Variants in SDK1 observed in about 807,000 individuals in gnomAD.
The protein encoded by SDK1 is protein sidekick-1.
In SDK1, 157 loss-of-function variants were observed where a neutral mutation model predicts 245.5. The ratio of observed to expected loss-of-function variants is 0.64; its 90% confidence interval spans 0.56 to 0.73. The LOEUF is 0.73. SDK1 is among the 30% of genes least tolerant of loss of function. The probability of loss-of-function intolerance (pLI) is 0.00; values close to 1 mark genes in which losing one functional copy is unlikely to be tolerated. For missense variants in SDK1, 3,583 were observed against 3,002.3 expected, an observed-to-expected ratio of 1.19 and a Z score of -4.52; for synonymous variants, 1,647 against 1,278.5, an observed-to-expected ratio of 1.29 and a Z score of -6.15.
chr7:4,204,967 G>A (rs1784115740), intron 35 of SDK1, among the ~76,000 whole-genome samples: 2 of 85,644 alleles, frequency 2.3e-5, no homozygotes, highest in Non-Finnish European at 4.6e-5. Flanking sequence ...GTGTGGTGAG[G>A]TGCGGAGGTG....
At chr7:3,865,855 C>A (rs1352750676) in intron 5 of SDK1, among the ~76,000 whole-genome samples, 1 of 152,068 alleles carries the variant, frequency 6.6e-6, no homozygotes, top group East Asian at 1.9e-4. Context: ...AACCCAAGAT[C>A]ACTAGCACCA....
chr7:3,591,145 G>A (rs1780860658), intron 1 of SDK1, among the ~76,000 whole-genome samples: 1 of 152,162 alleles, frequency 6.6e-6, no homozygotes, highest in African/African-American at 2.4e-5. Context: ...GTGATACTCT[G>A]ATGAAGGCAG....
chr7:3,997,513 C>A (rs4540321), intron 14 of SDK1, among the ~76,000 whole-genome samples: 2 of 151,820 alleles, frequency 1.3e-5, no homozygotes, highest in South Asian at 4.2e-4. Context: ...TGCGGCTGGT[C>A]GTCCCAGCAT....
At chr7:3,368,697 G>C (rs1044898180) in intron 1 of SDK1, among the ~76,000 whole-genome samples, 1 of 152,154 alleles carries the variant, frequency 6.6e-6, no homozygotes, top group Non-Finnish European at 1.5e-5. Flanking sequence ...GAAGTGAGAA[G>C]CATCAGGACA....
At chr7:4,180,107 C>T (rs1019764655) in intron 35 of SDK1, among the ~76,000 whole-genome samples, 11 of 152,162 alleles carry the variant, frequency 7.2e-5, no homozygotes, top group Middle Eastern at 6.8e-3. Flanking sequence ...ACTGGGGAGT[C>T]GCGCCAGGGC....
At chr7:3,492,396 A>C (rs993799190) in intron 1 of SDK1, among the ~76,000 whole-genome samples, 1 of 152,244 alleles carries the variant, frequency 6.6e-6, no homozygotes, top group Non-Finnish European at 1.5e-5. Context: ...CAGGAGGCTG[A>C]GGCAGGAGAA....
chr7:3,985,406 A>C (rs1289559832), intron 13 of SDK1, among the ~76,000 whole-genome samples: 1 of 152,188 alleles, frequency 6.6e-6, no homozygotes, highest in Non-Finnish European at 1.5e-5. Context: ...AGCAGGGGGA[A>C]TAGGAAATGG....
chr7:3,369,548 C>T (rs866539683), intron 1 of SDK1, among the ~76,000 whole-genome samples: 1 of 152,100 alleles, frequency 6.6e-6, no homozygotes, highest in Admixed American at 6.6e-5. Context: ...AAAAAGTACC[C>T]AATTATAGAG....
At position 4,110,783 on chromosome 7, in the gene SDK1, C is replaced by T. The variant is rs1783289126; in HGVS notation, c.3434+11C>T. On this transcript the variant is annotated intron_variant, in intron 23 of 44. Transcript: ENST00000404826. ...CTACACTCACTACAGGTGAGAACAGCAGTGATAAGCTGTTACAGGAGGAAA... is the reference window on the plus strand; with the variant it reads ...CTACACTCACTACAGGTGAGAACAGTAGTGATAAGCTGTTACAGGAGGAAA... The T allele has an allele frequency of 2.5e-6, 4 of 1,571,066 alleles. No individual in the cohort carries two copies. The highest frequency in any genetic ancestry group is 3.5e-6 in the Non-Finnish European group (4 of 1,140,798).
At chr7:4,003,935 C>G (rs1785267177) in intron 14 of SDK1, among the ~76,000 whole-genome samples, 1 of 152,266 alleles carries the variant, frequency 6.6e-6, no homozygotes. Flanking sequence ...ATCTCTGTGA[C>G]CAAGCCCTTA....
rs1220389635 is a variant in SDK1 at position 3,987,289 on chromosome 7, A to G, written c.2098A>G (p.Ile700Val). ...CCGGCCCTTTGATGGAAACAGTCCT[A>G]TTCTTTATTACATCGTGGAGCTCTC... is the stretch of plus-strand genomic sequence containing the variant. The part of the protein sequence containing the change: ...WVRPFDGNSP[I>V]LYYIVELSEN... Residue 700 changes from isoleucine (I) to valine (V), a missense_variant, in exon 14 of 45, where the codon ATT becomes GTT. Ile to Val is a conservative substitution (Grantham distance 29). Coordinates refer to ENST00000404826, the MANE Select transcript of SDK1 (RefSeq NM_152744.4). 1.2e-6 allele frequency: 2 copies of G among 1,614,096 alleles called. No homozygotes were observed. Among genetic ancestry groups the G allele is most frequent in the South Asian group, 2.2e-5 (2 of 91,070 alleles).
intron 1 of SDK1, among the ~76,000 whole-genome samples, chr7:3,451,237 T>A (rs1019742441): frequency 4.6e-5 from 7 of 151,474 alleles, no homozygotes; most frequent in Non-Finnish European, 8.8e-5. Flanking sequence ...AAGGGGCAAT[T>A]GTTGTGAAGT....
intron 1 of SDK1, among the ~76,000 whole-genome samples, chr7:3,321,761 C>G (rs1407069310): frequency 1.2e-5 from 1 of 85,626 alleles, no homozygotes; most frequent in East Asian, 5.4e-4. Context: ...TCCCCTCCCT[C>G]CCTTCCTTCC....
In SDK1 at chr7:3,415,004, G is replaced by A. The variant is rs541804066; in HGVS notation, c.298+113120G>A. On this transcript the variant is annotated intron_variant, in intron 1 of 44. Transcript: ENST00000404826. Reference sequence around the variant, plus strand: ...AACATGTTGGTTGTTTTGACTTTTCGGCTATTATGCATAACACTGCTATGA... The same window carrying A: ...AACATGTTGGTTGTTTTGACTTTTCAGCTATTATGCATAACACTGCTATGA... 5.3e-5 allele frequency among the ~76,000 whole-genome samples: 8 copies of A among 152,024 alleles called. 1 individual carries two copies. In the South Asian group the frequency reaches 6.2e-4, roughly 12 times the overall value.
intron 7 of SDK1, among the ~76,000 whole-genome samples, chr7:3,957,026 C>G (rs1258307925): frequency 6.6e-6 from 1 of 152,198 alleles, no homozygotes; most frequent in Admixed American, 6.5e-5. Context: ...CATCAAAGCA[C>G]AGGTCATCTT....
At chr7:4,109,340 C>T (rs1414992117) in intron 22 of SDK1, among the ~76,000 whole-genome samples, 2 of 152,254 alleles carry the variant, frequency 1.3e-5, no homozygotes, top group African/African-American at 2.4e-5. Context: ...ACACAGTCTC[C>T]TCTGCATCCG....
chr7:3,920,771 T>C (rs1468664395), intron 5 of SDK1, among the ~76,000 whole-genome samples: 1 of 151,308 alleles, frequency 6.6e-6, no homozygotes, highest in Non-Finnish European at 1.5e-5. Flanking sequence ...GCAGTGAGAG[T>C]GAAGAGGAGG....
At chr7:3,724,918 C>T (rs1778966230) in intron 4 of SDK1, among the ~76,000 whole-genome samples, 1 of 152,150 alleles carries the variant, frequency 6.6e-6, no homozygotes, top group Non-Finnish European at 1.5e-5. Context: ...GTTGGAAATA[C>T]AATTCCTGGC....
At chr7:3,515,001 C>T (rs1220821197) in intron 1 of SDK1, among the ~76,000 whole-genome samples, 1 of 152,144 alleles carries the variant, frequency 6.6e-6, no homozygotes, top group Admixed American at 6.5e-5. Flanking sequence ...GTAAAGTTTT[C>T]ATAATGAGGC....
Sources: gnomAD v4.1 joint callset for allele counts (sites outside exome capture counted in the v4.1 genomes callset) on GRCh38, gnomAD v4.1.1 for gene constraint, MANE v1.5 for transcripts, NCBI Gene and HGNC (gene_info 2026-07-23, HGNC 2026-07-21) for gene names.